EDAR: variants seen among roughly 807,000 people sequenced by gnomAD.
EDAR encodes the protein tumor necrosis factor receptor superfamily member EDAR.
In EDAR, 38 loss-of-function variants were observed where a neutral mutation model predicts 51.3. That is an observed-to-expected ratio of 0.74 (90% confidence interval 0.57 to 0.97). EDAR has a LOEUF of 0.97. EDAR is among the 50% of genes least tolerant of loss of function. The pLI is 0.00. For synonymous variants in EDAR, 227 were observed against 242.1 expected (o/e 0.94, Z 0.58); for missense variants, 528 against 595.0 (o/e 0.89, Z 1.17).
rs369409048 is a variant in EDAR, at chr2:108,929,202, G to C, written c.352C>G (p.Pro118Ala). The change falls in exon 4 of 12, where the codon CCT becomes GCT. Residue 118 changes from proline (P) to alanine (A), a missense_variant. Physicochemically the swap from Pro to Ala is conservative, Grantham distance 27. Transcript: ENST00000258443. ...ENDAECGPCLPGYYMLENRPR... is the reference protein window; with the variant it reads ...ENDAECGPCLAGYYMLENRPR... The stretch of plus-strand genomic sequence containing the variant: ...GCCAGGAGGGCCTGTGCTTACCCAG[G>C]GAGGCAAGGGCCACACTCAGCGTCA... 22 of 1,613,904 alleles carry C rather than the reference G, an allele frequency of 1.4e-5. No individual in the cohort carries two copies. The African/African-American group carries it at 2.8e-4, about 21-fold the overall frequency.
chr2:108,982,837 G>A (rs149045086), intron 1 of EDAR, among the ~76,000 whole-genome samples: 174 of 152,262 alleles, frequency 1.1e-3, no homozygotes, highest in African/African-American at 3.8e-3. Flanking sequence ...GAGTGCTGGC[G>A]GGAAACTAGG....
At chr2:108,967,088 C>T (rs1698162296) in intron 1 of EDAR, among the ~76,000 whole-genome samples, 1 of 152,194 alleles carries the variant, frequency 6.6e-6, no homozygotes, top group African/African-American at 2.4e-5. Flanking sequence ...GCACCCGCTA[C>T]CATGCCAGGC....
At chr2:108,979,497 A>G (rs552424530) in intron 1 of EDAR, among the ~76,000 whole-genome samples, 3 of 147,918 alleles carry the variant, frequency 2.0e-5, no homozygotes, top group Admixed American at 1.4e-4. Flanking sequence ...ACACACACAC[A>G]CACGCATGGC....
At chr2:108,964,679 G>T (rs1698116130) in intron 1 of EDAR, among the ~76,000 whole-genome samples, 1 of 152,158 alleles carries the variant, frequency 6.6e-6, no homozygotes, top group African/African-American at 2.4e-5. Context: ...AGTGCTGAAG[G>T]CGTGTCCACA....
At chr2:108,944,303 G>A (rs1449644504) in intron 1 of EDAR, among the ~76,000 whole-genome samples, 4 of 152,076 alleles carry the variant, frequency 2.6e-5, no homozygotes, top group African/African-American at 9.7e-5. Flanking sequence ...TAGTAGAGAC[G>A]GGGTTTCACC....
intron 11 of EDAR, among the ~76,000 whole-genome samples, chr2:108,905,733 C>T (rs984009835): frequency 1.3e-5 from 2 of 152,264 alleles, no homozygotes; most frequent in East Asian, 1.9e-4. Flanking sequence ...TTTGCAGGAA[C>T]TGGAAGCTGA....
chr2:108,955,581 G>T (rs1697906463), intron 1 of EDAR, among the ~76,000 whole-genome samples: 1 of 151,948 alleles, frequency 6.6e-6, no homozygotes, highest in Admixed American at 6.6e-5. Flanking sequence ...GGTGGCACTT[G>T]CCTGTAATCC....
At position 108,910,099 on chromosome 2, in the gene EDAR, G is replaced by A. The variant is rs144993541; in HGVS notation, c.803+361C>T. 4.8e-3 allele frequency among the ~76,000 whole-genome samples: 724 copies of A among 152,334 alleles called. 7 individuals are homozygous for A. The highest frequency in any genetic ancestry group is 0.021 in the South Asian group (103 of 4,828). Reference sequence around the variant, plus strand: ...TTACGGTGGCAGCAGTACTGGCACCGGCACGGGTGGTACTGGTGTGTTGGC... The same window carrying A: ...TTACGGTGGCAGCAGTACTGGCACCAGCACGGGTGGTACTGGTGTGTTGGC... On this transcript the variant is annotated intron_variant, in intron 9 of 11. Coordinates refer to ENST00000258443, the MANE Select transcript of EDAR (RefSeq NM_022336.4).
intron 1 of EDAR, among the ~76,000 whole-genome samples, chr2:108,936,029 C>T (rs1423618363): frequency 6.6e-6 from 1 of 152,226 alleles, no homozygotes; most frequent in Non-Finnish European, 1.5e-5. Context: ...GCCGTCCTCC[C>T]TACTGGTCAC....
chr2:108,934,637 T>C (rs1331456467), intron 1 of EDAR, among the ~76,000 whole-genome samples: 1 of 152,084 alleles, frequency 6.6e-6, no homozygotes, highest in Non-Finnish European at 1.5e-5. Flanking sequence ...CTTCTTTCCA[T>C]GTCATAATAT....
At chr2:108,898,253 T>C (rs1239250163) in intron 11 of EDAR, among the ~76,000 whole-genome samples, 1 of 152,120 alleles carries the variant, frequency 6.6e-6, no homozygotes, top group Non-Finnish European at 1.5e-5. Context: ...GGAAAGGCCA[T>C]GTAGGGAGCT....
intron 1 of EDAR, among the ~76,000 whole-genome samples, chr2:108,977,384 TC>T (rs1488012081): frequency 2.6e-5 from 4 of 152,202 alleles, no homozygotes; most frequent in African/African-American, 9.7e-5. Flanking sequence ...TTCTCCTGCC[TC>T]AGCCTCCCAA....
At chr2:108,979,542 CAAGCTAGT>C (rs1698387595) in intron 1 of EDAR, among the ~76,000 whole-genome samples, 2 of 151,942 alleles carry the variant, frequency 1.3e-5, no homozygotes, top group Admixed American at 6.6e-5. Context: ...CTGGAGAAAG[CAAGCTAGT>C]AAGCTAGGGG....
chr2:108,949,610 A>G (rs1697784533), intron 1 of EDAR, among the ~76,000 whole-genome samples: 1 of 152,208 alleles, frequency 6.6e-6, no homozygotes, highest in South Asian at 2.1e-4. Flanking sequence ...AAATGTGATG[A>G]GATTTCTCCC....
rs147790699 is a variant in EDAR, at chr2:108,982,605, G to A, written c.-19+6355C>T. On this transcript the variant is annotated intron_variant, in intron 1 of 11. Coordinates refer to ENST00000258443, the MANE Select transcript of EDAR (RefSeq NM_022336.4). Reference sequence around the variant, plus strand: ...AATATTCTCCAGCGCCATTTCCCTCGCACATGCCAGGCACAGAAGGCAAGT... The same window carrying A: ...AATATTCTCCAGCGCCATTTCCCTCACACATGCCAGGCACAGAAGGCAAGT... Among the ~76,000 whole-genome samples the A allele has an allele frequency of 2.0e-4, 30 of 152,268 alleles. No homozygotes were observed. The East Asian group carries it at 3.1e-3, about 16-fold the overall frequency.
At chr2:108,937,434 T>C (rs1479674417) in intron 1 of EDAR, among the ~76,000 whole-genome samples, 1 of 151,870 alleles carries the variant, frequency 6.6e-6, no homozygotes. Flanking sequence ...GTGTATGTAT[T>C]GTATATGTGA....
At chr2:108,927,982 C>A (rs367775695) in intron 4 of EDAR, among the ~76,000 whole-genome samples, 2 of 152,178 alleles carry the variant, frequency 1.3e-5, no homozygotes, top group Non-Finnish European at 2.9e-5. Context: ...TTCCTCTCCT[C>A]CACCCCCGGT....
Position 108,929,181 on chromosome 2 carries a change from G to A in EDAR, c.356+17C>T, listed in dbSNP as rs766598987. 6.2e-7 allele frequency: 1 copy of A among 1,613,604 alleles called. No homozygotes were observed. The highest frequency in any genetic ancestry group is 1.3e-5 in the African/African-American group (1 of 74,948). ...GCAGAAAGCATGCCAGGGTTTGCCA[G>A]GAGGGCCTGTGCTTACCCAGGGAGG... On this transcript the variant is annotated intron_variant, in intron 4 of 11. Transcript: ENST00000258443.
At chr2:108,964,917 T>C (rs1327136866) in intron 1 of EDAR, among the ~76,000 whole-genome samples, 1 of 152,126 alleles carries the variant, frequency 6.6e-6, no homozygotes, top group African/African-American at 2.4e-5. Flanking sequence ...TAAGGAACAG[T>C]TCATTCATTC....
Sources: gnomAD v4.1 joint callset for allele counts (sites outside exome capture counted in the v4.1 genomes callset) on GRCh38, gnomAD v4.1.1 for gene constraint, MANE v1.5 for transcripts, NCBI Gene and HGNC (gene_info 2026-07-23, HGNC 2026-07-21) for gene names.